Variants in NDUFA10 observed in about 807,000 individuals in gnomAD.
The protein encoded by NDUFA10 is NADH dehydrogenase [ubiquinone] 1 alpha subcomplex subunit 10, mitochondrial.
A neutral mutation model predicts 47.8 loss-of-function variants in NDUFA10; 40 were observed. The ratio of observed to expected loss-of-function variants is 0.84; its 90% CI spans 0.65 to 1.09. The LOEUF (loss-of-function observed/expected upper bound fraction) is 1.09, where lower values mean the gene tolerates loss of function less well. Among genes scored for constraint, NDUFA10 ranks in the 50% least tolerant of loss-of-function variants. The probability of loss-of-function intolerance (pLI) is 0.00; values close to 1 mark genes in which losing one functional copy is unlikely to be tolerated. For missense variants in NDUFA10, 413 were observed against 451.1 expected (o/e 0.92, Z 0.76); for synonymous variants, 183 against 172.2 (o/e 1.06, Z -0.49).
intron 4 of NDUFA10, among the ~76,000 whole-genome samples, chr2:239,944,360 C>T (rs769773818): frequency 6.6e-5 from 10 of 152,208 alleles, no homozygotes; most frequent in Non-Finnish European, 1.5e-4. Context: ...GAGTGTGGCC[C>T]CAGGGCCAGC....
chr2:239,903,483 G>A (rs1436625322), intron 4 of NDUFA10, among the ~76,000 whole-genome samples: 1 of 152,188 alleles, frequency 6.6e-6, no homozygotes, highest in Non-Finnish European at 1.5e-5. Flanking sequence ...GGCAGCTCCT[G>A]ATGCTTCTGG....
intron 8 of NDUFA10, among the ~76,000 whole-genome samples, chr2:239,998,986 C>T (rs961186623): frequency 6.6e-6 from 1 of 152,198 alleles, no homozygotes; most frequent in Non-Finnish European, 1.5e-5. Context: ...CACACAGGCT[C>T]AGGATGCTGC....
At chr2:240,015,930 G>A (rs889964393) in intron 4 of NDUFA10, among the ~76,000 whole-genome samples, 5 of 152,206 alleles carry the variant, frequency 3.3e-5, no homozygotes, top group Admixed American at 6.5e-5. Flanking sequence ...CGAGGTGGGC[G>A]CAGATCACTG....
intron 4 of NDUFA10, among the ~76,000 whole-genome samples, chr2:239,940,879 C>T (rs930881705): frequency 5.3e-5 from 8 of 152,206 alleles, no homozygotes; most frequent in Admixed American, 5.2e-4. Flanking sequence ...CTACAAGGAA[C>T]AGAGTTATAA....
chr2:239,977,662 C>G (rs983078813), intron 9 of NDUFA10, among the ~76,000 whole-genome samples: 5 of 152,222 alleles, frequency 3.3e-5, no homozygotes. Context: ...GTTAAGCACA[C>G]AAACTGCTGC....
intron 9 of NDUFA10, among the ~76,000 whole-genome samples, chr2:239,984,666 CAG>C (rs1325698175): frequency 2.0e-5 from 3 of 152,228 alleles, no homozygotes; most frequent in Non-Finnish European, 2.9e-5. Context: ...AACAACCAAA[CAG>C]GGGACAATGT....
In NDUFA10 at chr2:239,982,208, G is replaced by A. The variant is rs567823444; in HGVS notation, c.999+7866C>T. On this transcript the variant is annotated intron_variant, in intron 9 of 9. Coordinates refer to ENST00000252711, the MANE Select transcript of NDUFA10 (RefSeq NM_004544.4). The stretch of plus-strand genomic sequence containing the variant: ...TACTCTGCACAGCCCGCTGCGGGTA[G>A]GGGATCCCCAGCTACAAGGTTAGAC... 4 of 1,612,828 alleles carry A rather than the reference G, an allele frequency of 2.5e-6. No homozygotes were observed. In the Admixed American group the frequency reaches 5.0e-5, roughly 20 times the overall value.
chr2:239,903,777 T>C (rs572382640), intron 4 of NDUFA10, among the ~76,000 whole-genome samples: 19 of 152,344 alleles, frequency 1.2e-4, no homozygotes, highest in Non-Finnish European at 2.4e-4. Context: ...TTCTCACAGA[T>C]GGGTCCTTTT....
intron 4 of NDUFA10, among the ~76,000 whole-genome samples, chr2:240,018,122 G>A (rs538154491): frequency 6.6e-6 from 1 of 152,342 alleles, no homozygotes; most frequent in African/African-American, 2.4e-5. Context: ...CAGCGTGTCA[G>A]AGGGAAGCAC....
At chr2:239,920,118 G>A (rs762736719) in intron 4 of NDUFA10, among the ~76,000 whole-genome samples, 3 of 152,214 alleles carry the variant, frequency 2.0e-5, no homozygotes, top group African/African-American at 4.8e-5. Flanking sequence ...GAGGTGGTCA[G>A]GGTTCAGTGG....
chr2:239,938,593 C>T (rs1254436423), intron 4 of NDUFA10, among the ~76,000 whole-genome samples: 2 of 152,184 alleles, frequency 1.3e-5, no homozygotes, highest in African/African-American at 4.8e-5. Context: ...GGTCTGCTCC[C>T]GGGCAGCTGT....
intron 8 of NDUFA10, among the ~76,000 whole-genome samples, chr2:239,998,292 G>A (rs1032312745): frequency 2.0e-5 from 3 of 152,112 alleles, no homozygotes; most frequent in South Asian, 2.1e-4. Context: ...ACTCACATGC[G>A]ATTTTGTCTG....
At chr2:239,919,357 T>C (rs1023533910) in intron 4 of NDUFA10, among the ~76,000 whole-genome samples, 2 of 150,876 alleles carry the variant, frequency 1.3e-5, no homozygotes, top group African/African-American at 2.4e-5. Flanking sequence ...TCTCTGCCCC[T>C]CCCTGTCCTT....
intron 9 of NDUFA10, among the ~76,000 whole-genome samples, chr2:239,964,248 C>T (rs1287232330): frequency 6.6e-6 from 1 of 152,068 alleles, no homozygotes; most frequent in African/African-American, 2.4e-5. Context: ...GGGCCCCAGG[C>T]CATCACTAGG....
At chr2:239,938,128 C>T (rs185576606) in intron 4 of NDUFA10, among the ~76,000 whole-genome samples, 3 of 152,322 alleles carry the variant, frequency 2.0e-5, no homozygotes, top group South Asian at 4.1e-4. Flanking sequence ...GCACCCCACT[C>T]CCCAGCAGTC....
At chr2:239,951,011 T>G (rs550467863) in intron 4 of NDUFA10, among the ~76,000 whole-genome samples, 3 of 152,330 alleles carry the variant, frequency 2.0e-5, no homozygotes, top group African/African-American at 7.2e-5. Context: ...GTCAGGTAGT[T>G]GCTGAGCCTG....
At chr2:239,912,421 G>A (rs1179429080) in intron 4 of NDUFA10, among the ~76,000 whole-genome samples, 2 of 152,336 alleles carry the variant, frequency 1.3e-5, no homozygotes, top group African/African-American at 4.8e-5. Flanking sequence ...CTACTTGGTG[G>A]TGCTGGCCAG....
chr2:240,025,164 T>TGCCCCCCCC, intron 1 of NDUFA10, 63 bp downstream of exon 1: 262 of 594,828 alleles, frequency 4.4e-4, no homozygotes, highest in East Asian at 7.5e-4. Context: ...GTGGAACTGC[T>TGCCCCCCCC]CCCCACCCCG....
At chr2:239,936,573 C>T (rs1276731183) in intron 4 of NDUFA10, among the ~76,000 whole-genome samples, 1 of 152,116 alleles carries the variant, frequency 6.6e-6, no homozygotes, top group Admixed American at 6.5e-5. Context: ...TGGTGGGGAA[C>T]AAGGATGCAA....
Sources: gnomAD v4.1 joint callset for allele counts (sites outside exome capture counted in the v4.1 genomes callset) on GRCh38, gnomAD v4.1.1 for gene constraint, MANE v1.5 for transcripts, NCBI Gene and HGNC (gene_info 2026-07-23, HGNC 2026-07-21) for gene names.